ZC3H12B: variants seen among roughly 807,000 people sequenced by gnomAD.
The protein encoded by ZC3H12B is zinc finger CCCH-type containing 12B, also known as probable ribonuclease ZC3H12B.
In ZC3H12B, 7 loss-of-function variants were observed where a neutral mutation model predicts 43.9. The observed-to-expected ratio is 0.16, with a 90% CI of 0.09 to 0.30. The LOEUF is 0.30. ZC3H12B is among the 10% of genes least tolerant of loss of function. The pLI is 1.00. For synonymous variants in ZC3H12B, 222 were observed against 241.7 expected (o/e 0.92, Z 0.76); for missense variants, 475 against 670.2 (o/e 0.71, Z 3.22).
the ZC3H12B span, among the ~76,000 whole-genome samples, chrX:65,194,921 C>A: frequency 3.0e-4 from 34 of 111,694 alleles, no homozygotes; most frequent in East Asian, 9.6e-3. Flanking sequence ...TATATAGTGA[C>A]CGTCTTTATC....
chrX:65,384,832 T>C (rs1055577298), intron 2 of ZC3H12B, among the ~76,000 whole-genome samples: 3 of 112,216 alleles, frequency 2.7e-5, no homozygotes, highest in African/African-American at 9.7e-5. Flanking sequence ...TTCTATGATA[T>C]TTGAAACAAA....
At chrX:65,161,478 A>G in the ZC3H12B span, among the ~76,000 whole-genome samples, 4 of 111,870 alleles carry the variant, frequency 3.6e-5, no homozygotes, top group Non-Finnish European at 7.5e-5. Flanking sequence ...AATGATAGTT[A>G]GCTCTTCTTG....
chrX:65,114,555 C>A, the ZC3H12B span, among the ~76,000 whole-genome samples: 1 of 110,440 alleles, frequency 9.1e-6, no homozygotes, highest in Non-Finnish European at 1.9e-5. Context: ...CCATATTATT[C>A]TTTTCATGTG....
At chrX:65,316,034 G>A in the ZC3H12B span, among the ~76,000 whole-genome samples, 104 of 111,657 alleles carry the variant, frequency 9.3e-4, 1 homozygote, top group Non-Finnish European at 1.5e-3. Flanking sequence ...ATAATTGCAA[G>A]TAATAACAGC....
At chrX:65,371,726 C>A (rs1237886306) in intron 2 of ZC3H12B, among the ~76,000 whole-genome samples, 1 of 111,501 alleles carries the variant, frequency 9.0e-6, no homozygotes, top group African/African-American at 3.3e-5. Flanking sequence ...TTTGTAAAGC[C>A]CTTTAATATC....
the ZC3H12B span, among the ~76,000 whole-genome samples, chrX:65,354,047 C>G: frequency 8.9e-6 from 1 of 111,827 alleles, no homozygotes; most frequent in African/African-American, 3.3e-5. Context: ...CTTCAACAAA[C>G]TTAAACGTTC....
the ZC3H12B span, among the ~76,000 whole-genome samples, chrX:65,323,344 C>G: frequency 9.0e-6 from 1 of 111,443 alleles, no homozygotes; most frequent in Admixed American, 9.5e-5. Flanking sequence ...ACATGGGGGG[C>G]CCCCACATCC....
At chrX:65,406,830 G>A (rs1283533412) in intron 3 of ZC3H12B, among the ~76,000 whole-genome samples, 9 of 112,722 alleles carry the variant, frequency 8.0e-5, no homozygotes, top group Non-Finnish European at 1.5e-4. Flanking sequence ...CGGCCGGGCG[G>A]GACCCGCGCC....
At chrX:65,391,354 C>A (rs1045455756) in intron 2 of ZC3H12B, among the ~76,000 whole-genome samples, 1 of 112,492 alleles carries the variant, frequency 8.9e-6, no homozygotes, top group African/African-American at 3.2e-5. Context: ...ATTCTAGAAA[C>A]ATCTCAGTTT....
At chrX:65,268,436 A>T in the ZC3H12B span, among the ~76,000 whole-genome samples, 1 of 112,097 alleles carries the variant, frequency 8.9e-6, no homozygotes, top group African/African-American at 3.2e-5. Context: ...CTTGATACCT[A>T]AACCAAAAAA....
chrX:65,471,501 AGTGCAGT>A (rs2067913248), intron 3 of ZC3H12B, among the ~76,000 whole-genome samples: 1 of 90,369 alleles, frequency 1.1e-5, no homozygotes, highest in South Asian at 5.7e-4. Flanking sequence ...CACAGGCTGG[AGTGCAGT>A]GGCATAGTCT....
At chrX:65,364,750 T>C (rs777591199), upstream of ZC3H12B, among the ~76,000 whole-genome samples, 2 of 111,568 alleles carry the variant, frequency 1.8e-5, no homozygotes, top group South Asian at 7.6e-4. Flanking sequence ...TGGAAATCTA[T>C]CCTCAAGGAA....
exon 5 of ZC3H12B, chrX:65,504,577 T>C (rs1353378474): frequency 8.9e-6 from 1 of 112,407 alleles, no homozygotes. Flanking sequence ...TCAGAAGAGT[T>C]TGACAAGGAC....
At chrX:65,218,858 A>G in the ZC3H12B span, among the ~76,000 whole-genome samples, 1 of 112,024 alleles carries the variant, frequency 8.9e-6, no homozygotes, top group African/African-American at 3.2e-5. Context: ...GCTGGAAGAC[A>G]ACCAACACAA....
intron 3 of ZC3H12B, among the ~76,000 whole-genome samples, chrX:65,432,079 G>A (rs1427822886): frequency 8.9e-6 from 1 of 112,089 alleles, no homozygotes; most frequent in Non-Finnish European, 1.9e-5. Flanking sequence ...GAGAAGACAG[G>A]ACAGCAGGAG....
At chrX:65,387,257 T>C (rs1402909580) in intron 2 of ZC3H12B, among the ~76,000 whole-genome samples, 2 of 111,544 alleles carry the variant, frequency 1.8e-5, no homozygotes, top group African/African-American at 3.3e-5. Context: ...AAGTCTCCCA[T>C]TATTATTGTG....
chrX:65,375,813 G>T (rs1204914694), intron 2 of ZC3H12B, among the ~76,000 whole-genome samples: 1 of 111,831 alleles, frequency 8.9e-6, no homozygotes, highest in Non-Finnish European at 1.9e-5. Flanking sequence ...TACACCATAG[G>T]CCTTGGGTGA....
At chrX:65,136,228 G>A in the ZC3H12B span, among the ~76,000 whole-genome samples, 1 of 111,487 alleles carries the variant, frequency 9.0e-6, no homozygotes, top group African/African-American at 3.3e-5. Context: ...TTACTTCTAG[G>A]TGGAGGTAAT....
chrX:65,169,405 G>T, the ZC3H12B span, among the ~76,000 whole-genome samples: 1 of 111,908 alleles, frequency 8.9e-6, no homozygotes, highest in Non-Finnish European at 1.9e-5. Context: ...GAGACAGTTT[G>T]TTATAATTTC....
Sources: allele counts gnomAD v4.1 joint callset (sites outside exome capture counted in the v4.1 genomes callset), GRCh38; gene constraint gnomAD v4.1.1; transcripts MANE v1.5; gene names NCBI Gene and HGNC (gene_info 2026-07-23, HGNC 2026-07-21).